Variants in NEBL observed in about 807,000 individuals in gnomAD.
NEBL encodes nebulette.
In NEBL, 122 loss-of-function variants were observed where a neutral mutation model predicts 140.2. The ratio of observed to expected loss-of-function variants is 0.87; its 90% CI spans 0.75 to 1.01. The LOEUF is 1.01. Among genes scored for constraint, NEBL ranks in the 50% least tolerant of loss-of-function variants. NEBL has a pLI of 0.00. For synonymous variants in NEBL, 436 were observed against 398.9 expected (o/e 1.09, Z -1.11); for missense variants, 1,365 against 1,231.3 (o/e 1.11, Z -1.62).
intron 2 of NEBL, among the ~76,000 whole-genome samples, chr10:21,156,989 A>G (rs940716094): frequency 6.6e-6 from 1 of 152,242 alleles, no homozygotes; most frequent in Non-Finnish European, 1.5e-5. Context: ...GAATATTTCA[A>G]TACCATTCTC....
At position 20,873,951 on chromosome 10, in the gene NEBL, C is replaced by G. The variant is rs541644180; in HGVS notation, c.481-4110G>C. ...ATCATTTTGTTCTATATGTCTGTCA[C>G]TGGGCAAAGAAATTATCATACTATC... On this transcript the variant is annotated intron_variant, in intron 5 of 27. Coordinates refer to ENST00000377122, the MANE Select transcript of NEBL (RefSeq NM_006393.3). 2.6e-5 allele frequency among the ~76,000 whole-genome samples: 4 copies of G among 152,190 alleles called. No homozygotes were observed. In the East Asian group the frequency reaches 5.8e-4, roughly 22 times the overall value.
At chr10:21,067,915 GCTGC>G (rs1423818963) in intron 2 of NEBL, among the ~76,000 whole-genome samples, 2 of 152,112 alleles carry the variant, frequency 1.3e-5, no homozygotes, top group African/African-American at 4.8e-5. Context: ...GGAGGTCAAG[GCTGC>G]AGTGAGCCGT....
intron 2 of NEBL, among the ~76,000 whole-genome samples, chr10:20,895,615 G>A (rs1847410499): frequency 6.6e-6 from 1 of 152,142 alleles, no homozygotes; most frequent in Non-Finnish European, 1.5e-5. Context: ...TATTATTACT[G>A]CAATTTACAG....
intron 3 of NEBL, among the ~76,000 whole-genome samples, chr10:21,228,391 C>T (rs186206491): frequency 6.6e-6 from 1 of 152,116 alleles, no homozygotes; most frequent in Non-Finnish European, 1.5e-5. Context: ...TGGCCTTAAA[C>T]AATCCTCTCG....
At chr10:21,252,753 C>A (rs1021003868) in intron 1 of NEBL, among the ~76,000 whole-genome samples, 2 of 152,110 alleles carry the variant, frequency 1.3e-5, no homozygotes, top group Admixed American at 6.6e-5. Flanking sequence ...GTCAGGAGTT[C>A]AAGACCAGCC....
chr10:21,055,818 T>C (rs2119243), intron 2 of NEBL, among the ~76,000 whole-genome samples: 77,747 of 151,962 alleles, frequency 0.51, 22,136 homozygotes, highest in African/African-American at 0.79. Flanking sequence ...CCGATGAGGG[T>C]GTTCAGGGGG....
chr10:20,883,666 T>G (rs758666996), intron 4 of NEBL, among the ~76,000 whole-genome samples: 1 of 152,234 alleles, frequency 6.6e-6, no homozygotes, highest in Non-Finnish European at 1.5e-5. Context: ...CCTGGTTTAT[T>G]TTGTACTTTA....
chr10:20,939,629 C>T (rs1834730003), intron 4 of NEBL, among the ~76,000 whole-genome samples: 1 of 152,106 alleles, frequency 6.6e-6, no homozygotes, highest in South Asian at 2.1e-4. Flanking sequence ...AATTAAAAGG[C>T]ACAGACTGGC....
intron 3 of NEBL, among the ~76,000 whole-genome samples, chr10:20,994,023 C>T (rs1368181042): frequency 6.6e-6 from 1 of 152,188 alleles, no homozygotes. Context: ...CAACTGCAGC[C>T]ATCTCACAAC....
intron 3 of NEBL, among the ~76,000 whole-genome samples, chr10:20,966,661 A>T (rs1836330356): frequency 6.6e-6 from 1 of 152,236 alleles, no homozygotes; most frequent in Admixed American, 6.5e-5. Flanking sequence ...GGACCAGCTT[A>T]AGGAAAAGGC....
At chr10:21,290,171 C>G (rs1564556918) in intron 1 of NEBL, among the ~76,000 whole-genome samples, 1 of 152,172 alleles carries the variant, frequency 6.6e-6, no homozygotes, top group East Asian at 1.9e-4. Context: ...ACTAAAATGT[C>G]TGTGGGAAAT....
chr10:20,828,726 G>A (rs1427641441), intron 16 of NEBL, 92 bp from the exon 17 acceptor site: 1 of 826,438 alleles, frequency 1.2e-6, no homozygotes, highest in East Asian at 2.7e-5. Flanking sequence ...GGAAGGGAGA[G>A]AGAGAGAGTA....
At chr10:20,852,465 G>A (rs773273410) in intron 10 of NEBL, 80 bp downstream of exon 10, 108 of 872,800 alleles carry the variant, frequency 1.2e-4, no homozygotes, top group Non-Finnish European at 1.8e-4. Context: ...CAGTTAAGAC[G>A]CACGGCAGTG....
At position 20,845,274 on chromosome 10, in the gene NEBL, GTGA is replaced by G. The variant is rs1564376188; in HGVS notation, c.1208_1210del (p.Ile403del). The G allele has an allele frequency of 6.3e-7, 1 of 1,576,266 alleles. No individual in the cohort carries two copies. The highest frequency in any genetic ancestry group is 1.7e-5 in the Admixed American group (1 of 59,818). On this transcript the variant is annotated inframe_deletion, in exon 12 of 28. Coordinates refer to ENST00000377122, the MANE Select transcript of NEBL (RefSeq NM_006393.3). ...AGATCGTACCTCCCTCAGAAGGTTG[GTGA>G]TGTACTTTACATGTAAAAATTCTGG...
In NEBL at chr10:21,260,499, TGCTCTAG is replaced by T. The variant is rs1413697318; in HGVS notation, n.183-8678_183-8672del. On this transcript the variant is annotated intron_variant and non_coding_transcript_variant, in intron 1 of 8. Transcript: ENST00000675702. Reference sequence around the variant, plus strand: ...TTTTGCCTTGCCTTTAAAATAGATCTGCTCTAGGATGCTGAGTTATAAACTGCCCTTG... The same window carrying T: ...TTTTGCCTTGCCTTTAAAATAGATCTGATGCTGAGTTATAAACTGCCCTTG... Among the ~76,000 whole-genome samples, 4 of 152,268 alleles carry T rather than the reference TGCTCTAG, an allele frequency of 2.6e-5. No individual in the cohort carries two copies. The East Asian group carries it at 7.7e-4, about 29-fold the overall frequency.
In NEBL at chr10:21,188,640, G is replaced by A. The variant is rs547932531; in HGVS notation, n.349-16163C>T. On this transcript the variant is annotated intron_variant and non_coding_transcript_variant, in intron 3 of 8. Coordinates refer to the NEBL transcript ENST00000675702. ...TTTGAGACAGAGTCTCGCTGTTTTC[G>A]CCCAGGCTGGAGTGCAATGGCACAA... Among the ~76,000 whole-genome samples the A allele has an allele frequency of 2.9e-3, 381 of 133,586 alleles. 3 individuals are homozygous for A. The highest frequency in any genetic ancestry group is 0.01 in the African/African-American group (348 of 34,470). The allele number at this position is 133,586 out of a possible 152,430, so 87.6% of individuals were successfully genotyped here.
At chr10:20,902,306 T>A (rs1847907676), upstream of NEBL, among the ~76,000 whole-genome samples, 1 of 151,918 alleles carries the variant, frequency 6.6e-6, no homozygotes, top group East Asian at 1.9e-4. Context: ...CTCGGGAGGC[T>A]GAGGCAGGAG....
chr10:21,230,850 T>C (rs1842239975), intron 3 of NEBL, among the ~76,000 whole-genome samples: 1 of 152,112 alleles, frequency 6.6e-6, no homozygotes, highest in Non-Finnish European at 1.5e-5. Flanking sequence ...AGTGATCCAC[T>C]GTCCTCGGCC....
chr10:20,894,854 A>G (rs1471074834), intron 2 of NEBL, among the ~76,000 whole-genome samples: 1 of 149,570 alleles, frequency 6.7e-6, no homozygotes, highest in Non-Finnish European at 1.5e-5. Flanking sequence ...GCGTGAACCC[A>G]GGAGGCGGAG....
Sources: gnomAD v4.1 joint callset for allele counts (sites outside exome capture counted in the v4.1 genomes callset) on GRCh38, gnomAD v4.1.1 for gene constraint, MANE v1.5 for transcripts, NCBI Gene and HGNC (gene_info 2026-07-23, HGNC 2026-07-21) for gene names.